The following CADM2 variants were observed in gnomAD, a reference collection of about 807,000 sequenced individuals.
The protein encoded by CADM2 is immunoglobulin superfamily member 4D.
CADM2 carries 12 observed loss-of-function variants against 49.8 expected under a neutral mutation model. The observed-to-expected ratio is 0.24, with a 90% CI of 0.15 to 0.39. CADM2 has a LOEUF of 0.39. Ranked by LOEUF, CADM2 falls within the 10% of genes least tolerant of loss-of-function variation. The probability of loss-of-function intolerance (pLI) is 1.00; values close to 1 mark genes in which losing one functional copy is unlikely to be tolerated. For synonymous variants in CADM2, 214 were observed against 175.4 expected (o/e 1.22, Z -1.74); for missense variants, 378 against 492.3 (o/e 0.77, Z 2.20).
At chr3:86,047,579 A>AAAGTG (rs1202806188) in intron 8 of CADM2, among the ~76,000 whole-genome samples, 2 of 152,178 alleles carry the variant, frequency 1.3e-5, no homozygotes, top group African/African-American at 2.4e-5. Flanking sequence ...GTGCCTCAAG[A>AAAGTG]AAGTGAAGTA....
chr3:85,391,658 C>G (rs1012413545), intron 1 of CADM2, among the ~76,000 whole-genome samples: 1 of 152,042 alleles, frequency 6.6e-6, no homozygotes, highest in Non-Finnish European at 1.5e-5. Context: ...GGCCAAAGTG[C>G]CAACCAAGCA....
intron 3 of CADM2, among the ~76,000 whole-genome samples, chr3:85,823,742 T>G (rs2073740525): frequency 6.6e-6 from 1 of 152,140 alleles, no homozygotes; most frequent in African/African-American, 2.4e-5. Flanking sequence ...AGAGAATAAG[T>G]AACAGACTGT....
chr3:85,098,512 A>T (rs184888139), intron 1 of CADM2, among the ~76,000 whole-genome samples: 3 of 152,186 alleles, frequency 2.0e-5, no homozygotes, highest in African/African-American at 7.2e-5. Flanking sequence ...ACTATTATAG[A>T]CTGAATTTGG....
intron 5 of CADM2, among the ~76,000 whole-genome samples, chr3:85,899,442 G>T (rs1331054078): frequency 1.3e-5 from 2 of 152,026 alleles, no homozygotes; most frequent in Non-Finnish European, 2.9e-5. Flanking sequence ...ACTACCAGGT[G>T]AATTATTTTC....
At chr3:85,020,179 C>T (rs555933751) in intron 1 of CADM2, among the ~76,000 whole-genome samples, 1 of 151,858 alleles carries the variant, frequency 6.6e-6, no homozygotes, top group Admixed American at 6.6e-5. Context: ...CTAAATTGAA[C>T]AGCAGTTGAA....
chr3:86,039,857 C>T (rs1735642084), intron 8 of CADM2, among the ~76,000 whole-genome samples: 2 of 152,170 alleles, frequency 1.3e-5, no homozygotes, highest in Admixed American at 1.3e-4. Context: ...TGACAACACA[C>T]ATGGCTGGGT....
chr3:85,116,450 G>A lies in CADM2; in HGVS notation c.61+156782G>A, dbSNP rs549685362. On this transcript the variant is annotated intron_variant, in intron 1 of 9. Transcript: ENST00000383699. ...AAAAATAAGAAAATTAAAATAATAA[G>A]CTTCAAGTTCCTGAGTTATCAAAGG... Among the ~76,000 whole-genome samples the A allele has an allele frequency of 1.3e-3, 197 of 152,094 alleles. 1 individual carries two copies. The highest frequency in any genetic ancestry group is 4.3e-3 in the African/African-American group (179 of 41,474).
At chr3:86,032,885 A>G (rs946875567) in intron 8 of CADM2, among the ~76,000 whole-genome samples, 1 of 151,796 alleles carries the variant, frequency 6.6e-6, no homozygotes, top group Non-Finnish European at 1.5e-5. Flanking sequence ...CATTCTCTAC[A>G]GATTTCTTTT....
At chr3:85,061,125 TC>T (rs1203507062) in intron 1 of CADM2, among the ~76,000 whole-genome samples, 1 of 152,176 alleles carries the variant, frequency 6.6e-6, no homozygotes, top group Non-Finnish European at 1.5e-5. Context: ...AGTCATACTT[TC>T]CTTGTGACTT....
chr3:85,452,793 T>C (rs770884986), intron 1 of CADM2, among the ~76,000 whole-genome samples: 4 of 152,172 alleles, frequency 2.6e-5, no homozygotes, highest in South Asian at 2.1e-4. Flanking sequence ...CTTTAAACAA[T>C]GACCATTTTG....
chr3:85,193,150 G>T (rs1443341846), intron 1 of CADM2, among the ~76,000 whole-genome samples: 1 of 151,956 alleles, frequency 6.6e-6, no homozygotes. Context: ...TTAAAATATA[G>T]GGTATATATG....
In CADM2 at chr3:86,069,674, T is replaced by A. The variant is rs1338333798; in HGVS notation, c.*2891T>A. On this transcript the variant is annotated 3_prime_UTR_variant, in exon 10 of 10. Transcript: ENST00000383699. The stretch of plus-strand genomic sequence containing the variant: ...GTCTCTTCTAAGTGAGCACAGTAGG[T>A]AGGGAACTCAATGGAAGCAGTGTGC... 6.6e-6 allele frequency: 1 copy of A among 151,926 alleles called. No homozygotes were observed. The highest frequency in any genetic ancestry group is 2.4e-5 in the African/African-American group (1 of 41,404). 9.4% of individuals were successfully genotyped at this position (151,926 alleles called of 1,614,324 possible).
rs562354727 is a variant in CADM2, at chr3:85,399,736, G to C, written c.62-326786G>C. On this transcript the variant is annotated intron_variant, in intron 1 of 9. Transcript: ENST00000383699. ...CCTAGATATTTTATTCTCTTTGAAG[G>C]AATTGTGAATGGGAGTTCACTCATG... Among the ~76,000 whole-genome samples the C allele has an allele frequency of 5.3e-5, 8 of 152,200 alleles. No individual in the cohort carries two copies. The East Asian group carries it at 7.7e-4, about 15-fold the overall frequency.
chr3:85,696,856 A>C (rs1577106672), intron 1 of CADM2, among the ~76,000 whole-genome samples: 1 of 152,012 alleles, frequency 6.6e-6, no homozygotes, highest in Admixed American at 6.6e-5. Flanking sequence ...GGGTGGCCAA[A>C]AAATCTTGAC....
intron 1 of CADM2, among the ~76,000 whole-genome samples, chr3:85,319,856 G>A (rs992283883): frequency 6.6e-6 from 1 of 152,060 alleles, no homozygotes; most frequent in South Asian, 2.1e-4. Flanking sequence ...GAAATAATCT[G>A]TACACCAAAC....
intron 1 of CADM2, among the ~76,000 whole-genome samples, chr3:85,707,273 G>A (rs1375908049): frequency 6.6e-6 from 1 of 151,854 alleles, no homozygotes; most frequent in Non-Finnish European, 1.5e-5. Flanking sequence ...CTGTAGTTAG[G>A]ATGTAAAACT....
At chr3:85,899,073 C>A (rs972233778) in intron 5 of CADM2, among the ~76,000 whole-genome samples, 1 of 142,490 alleles carries the variant, frequency 7.0e-6, no homozygotes, top group Non-Finnish European at 1.5e-5. Context: ...TGGAGCAATT[C>A]TCCTGTCTCA....
chr3:85,051,797 T>C (rs1032288733), intron 1 of CADM2, among the ~76,000 whole-genome samples: 2 of 152,182 alleles, frequency 1.3e-5, no homozygotes, highest in African/African-American at 2.4e-5. Context: ...TTTGATATCA[T>C]TATTTAAAAG....
At chr3:84,999,482 G>C (rs1483143833) in intron 1 of CADM2, among the ~76,000 whole-genome samples, 4 of 152,214 alleles carry the variant, frequency 2.6e-5, no homozygotes, top group Non-Finnish European at 5.9e-5. Context: ...GCCCTTAGGA[G>C]CACTAGATAG....
Sources: allele counts gnomAD v4.1 joint callset (sites outside exome capture counted in the v4.1 genomes callset), GRCh38; gene constraint gnomAD v4.1.1; transcripts MANE v1.5; gene names NCBI Gene and HGNC (gene_info 2026-07-23, HGNC 2026-07-21).